The following EPB41L3 variants were observed in gnomAD, a reference collection of about 807,000 sequenced individuals.
The protein encoded by EPB41L3 is erythrocyte membrane protein band 4.1 like 3.
Under a neutral mutation model 127.1 loss-of-function variants are expected in EPB41L3, and 57 were observed. The observed-to-expected ratio is 0.45, with a 90% CI of 0.36 to 0.56. EPB41L3 has a LOEUF of 0.56. Ranked by LOEUF, EPB41L3 falls within the 20% of genes least tolerant of loss-of-function variation. The probability of loss-of-function intolerance (pLI) is 0.00; values close to 1 mark genes in which losing one functional copy is unlikely to be tolerated. For missense variants in EPB41L3, 1,273 were observed against 1,372.2 expected (o/e 0.93, Z 1.14); for synonymous variants, 572 against 549.5 (o/e 1.04, Z -0.57).
At position 5,397,182 on chromosome 18, in the gene EPB41L3, C is replaced by T. The variant is rs367962784; in HGVS notation, c.2717G>A (p.Gly906Glu). ...ALTEGAKEEG[G>E]EEVAKAVLEQ... The stretch of plus-strand genomic sequence containing the variant: ...CAGGACAGCTTTAGCGACCTCCTCC[C>T]CTCCTTCCTCTTTAGCCCCCTCCGT... The change falls in exon 18 of 23, where the codon GGG (glycine) becomes GAG (glutamate). Residue 906 changes from glycine (G) to glutamate (E), a missense_variant. By Grantham distance (98) the Gly-to-Glu change is moderately conservative. Transcript: ENST00000341928. This position sits in a 1 kb window ranked among gnomAD's most constrained non-coding sequence, Gnocchi z 4.1. The T allele has an allele frequency of 2.5e-6, 4 of 1,614,042 alleles. No homozygotes were observed. Among genetic ancestry groups the T allele is most frequent in the Admixed American group, 1.7e-5 (1 of 60,004 alleles).
At chr18:5,499,046 G>A (rs2091478923) in intron 1 of EPB41L3, among the ~76,000 whole-genome samples, 1 of 152,184 alleles carries the variant, frequency 6.6e-6, no homozygotes, top group Admixed American at 6.5e-5. Context: ...GTGTGATGGT[G>A]TGATTACTTT....
intron 1 of EPB41L3, among the ~76,000 whole-genome samples, chr18:5,536,769 T>C (rs2093586485): frequency 6.6e-6 from 1 of 152,104 alleles, no homozygotes; most frequent in African/African-American, 2.4e-5. Flanking sequence ...AGGCAGAGGT[T>C]GCTGTGAGCT....
intron 12 of EPB41L3, among the ~76,000 whole-genome samples, chr18:5,418,640 C>T (rs1311767942): frequency 2.6e-5 from 4 of 152,158 alleles, no homozygotes; most frequent in Admixed American, 6.5e-5. Flanking sequence ...ATTTCCTACT[C>T]TCTGCTTAAT....
chr18:5,561,030 T>G (rs569928573), intron 3 of EPB41L3, among the ~76,000 whole-genome samples: 35 of 146,836 alleles, frequency 2.4e-4, no homozygotes, highest in African/African-American at 7.7e-4. Flanking sequence ...CAGGCTGGAG[T>G]GCAGTGGCGC....
intron 7 of EPB41L3, 144 bp from the exon 8 acceptor site, chr18:5,433,700 G>C: frequency 1.1e-6 from 1 of 897,124 alleles, no homozygotes; most frequent in Non-Finnish European, 1.7e-6. Context: ...AAGAAAAAGG[G>C]CTTTGCAAGA....
In EPB41L3 at chr18:5,444,447, G is replaced by A. The variant is rs188358395; in HGVS notation, c.487-567C>T. On this transcript the variant is annotated intron_variant, in intron 4 of 22. Transcript: ENST00000341928. ...GATTTATGGCACAACACCAAAATGA[G>A]TAACAACTATGAGCAAAATTTCTGA... 2.6e-5 allele frequency among the ~76,000 whole-genome samples: 4 copies of A among 152,294 alleles called. No individual in the cohort carries two copies. The East Asian group carries it at 7.7e-4, about 29-fold the overall frequency.
Position 5,447,426 on chromosome 18 carries a change from C to T in EPB41L3, c.382-2182G>A, listed in dbSNP as rs542010892. On this transcript the variant is annotated intron_variant, in intron 3 of 22. Transcript: ENST00000341928. ...TTAGATATTAGATGCCTGCTTACTA[C>T]CTAATTGCTTTAGCTAGACTACTTT... Among the ~76,000 whole-genome samples the T allele has an allele frequency of 3.4e-5, 5 of 148,198 alleles. No homozygotes were observed. In the East Asian group the frequency reaches 1.0e-3, roughly 30 times the overall value.
intron 1 of EPB41L3, among the ~76,000 whole-genome samples, chr18:5,616,184 C>T (rs1399226700): frequency 6.6e-6 from 1 of 152,150 alleles, no homozygotes; most frequent in Non-Finnish European, 1.5e-5. Context: ...GCACAGCCCG[C>T]CCGTGAATCA....
At chr18:5,596,897 C>T (rs1475424297) in intron 3 of EPB41L3, among the ~76,000 whole-genome samples, 1 of 151,958 alleles carries the variant, frequency 6.6e-6, no homozygotes, top group Admixed American at 6.6e-5. Flanking sequence ...AGTTTATTTT[C>T]CAGCATTTTG....
At chr18:5,569,872 G>C (rs555274795) in intron 3 of EPB41L3, among the ~76,000 whole-genome samples, 1 of 152,288 alleles carries the variant, frequency 6.6e-6, no homozygotes, top group East Asian at 1.9e-4. Flanking sequence ...GGAGCTGAAT[G>C]CATACTCCTT....
upstream of EPB41L3, among the ~76,000 whole-genome samples, chr18:5,544,804 T>G (rs1317789114): frequency 6.6e-6 from 1 of 152,214 alleles, no homozygotes; most frequent in East Asian, 1.9e-4. Context: ...AATTGAATTG[T>G]AACACCAATG....
rs71358096 is a variant in EPB41L3 at position 5,574,251 on chromosome 18, G to A, written c.-306+38089C>T. On this transcript the variant is annotated intron_variant, in intron 3 of 21. Coordinates refer to the EPB41L3 transcript ENST00000545076. ...TATATTACAGTCAGATTTTTTTCTT[G>A]TTTAGAAATGGGGTCTTGCTACATT... Among the ~76,000 whole-genome samples, 184 of 151,512 alleles carry A rather than the reference G, an allele frequency of 1.2e-3. 3 individuals are homozygous for A. Among genetic ancestry groups the A allele is most frequent in the Non-Finnish European group, 2.0e-3 (137 of 67,874 alleles).
intron 1 of EPB41L3, among the ~76,000 whole-genome samples, chr18:5,531,239 G>C (rs930834457): frequency 6.6e-6 from 1 of 152,190 alleles, no homozygotes; most frequent in African/African-American, 2.4e-5. Context: ...TCAAGCCTTT[G>C]GATGTGTTTC....
At chr18:5,590,870 G>C (rs530165695) in intron 3 of EPB41L3, among the ~76,000 whole-genome samples, 1 of 152,208 alleles carries the variant, frequency 6.6e-6, no homozygotes, top group South Asian at 2.1e-4. Context: ...TAAAACTCTA[G>C]TGATGGAGAA....
chr18:5,495,414 A>C (rs1308498609), intron 1 of EPB41L3, among the ~76,000 whole-genome samples: 4 of 140,380 alleles, frequency 2.8e-5, no homozygotes, highest in South Asian at 4.6e-4. Context: ...AAAAAAAAAA[A>C]AAAACTAAAT....
At chr18:5,580,232 C>T (rs1179031430) in intron 3 of EPB41L3, among the ~76,000 whole-genome samples, 1 of 152,128 alleles carries the variant, frequency 6.6e-6, no homozygotes, top group African/African-American at 2.4e-5. Context: ...TACACTCATA[C>T]ACACATATGT....
At chr18:5,517,391 A>T (rs1306841797) in intron 1 of EPB41L3, among the ~76,000 whole-genome samples, 1 of 152,084 alleles carries the variant, frequency 6.6e-6, no homozygotes, top group Non-Finnish European at 1.5e-5. Flanking sequence ...CAGCACAAAT[A>T]TGTATACAAC....
At position 5,398,157 on chromosome 18, in the gene EPB41L3, G is replaced by C. The variant is rs1237966453; in HGVS notation, c.2350-14C>G. ...AGACTGCTTAGTCTGAGTGAACAAA[G>C]AGAGGCAGAGTCAAGCACAAAAGAG... On this transcript the variant is annotated splice_polypyrimidine_tract_variant and intron_variant, in intron 16 of 22. Transcript: ENST00000341928. The C allele has an allele frequency of 6.2e-7, 1 of 1,613,616 alleles. No individual in the cohort carries two copies. Among genetic ancestry groups the C allele is most frequent in the Non-Finnish European group, 8.5e-7 (1 of 1,179,956 alleles).
At chr18:5,412,229 G>A (rs898026728) in intron 13 of EPB41L3, among the ~76,000 whole-genome samples, 3 of 151,888 alleles carry the variant, frequency 2.0e-5, no homozygotes, top group African/African-American at 2.4e-5. Context: ...ACAGGGTCTC[G>A]CTCTGTCACC....
Sources: gnomAD v4.1 joint callset for allele counts (sites outside exome capture counted in the v4.1 genomes callset) on GRCh38, gnomAD v4.1.1 for gene constraint, Gnocchi (gnomAD v3.1) non-coding constraint, MANE v1.5 for transcripts, NCBI Gene and HGNC (gene_info 2026-07-23, HGNC 2026-07-21) for gene names.